ANKAR: variants seen among roughly 807,000 people sequenced by gnomAD.
ANKAR encodes ankyrin and armadillo repeat-containing protein.
Under a neutral mutation model 146.2 loss-of-function variants are expected in ANKAR, and 136 were observed. That is an observed-to-expected ratio of 0.93 (90% CI 0.81 to 1.07). ANKAR has a LOEUF of 1.07. Ranked by LOEUF, ANKAR falls within the 50% of genes least tolerant of loss-of-function variation. ANKAR has a pLI of 0.00. For synonymous variants in ANKAR, 500 were observed against 575.8 expected, an observed-to-expected ratio of 0.87 and a Z score of 1.88; for missense variants, 1,567 against 1,679.9, an observed-to-expected ratio of 0.93 and a Z score of 1.18.
At chr2:189,697,124 C>T (rs970384537) in intron 7 of ANKAR, among the ~76,000 whole-genome samples, 15 of 151,994 alleles carry the variant, frequency 9.9e-5, no homozygotes, top group African/African-American at 3.6e-4. Context: ...GGTGTAGTGG[C>T]TCACTACTGT....
chr2:189,733,572 C>T (rs1291019106), intron 17 of ANKAR, among the ~76,000 whole-genome samples: 1 of 152,108 alleles, frequency 6.6e-6, no homozygotes, highest in Non-Finnish European at 1.5e-5. Flanking sequence ...GCTTCTCAAA[C>T]TATTTATGAT....
At chr2:189,693,273 C>G (rs1452938212) in intron 5 of ANKAR, 96 bp downstream of exon 5, 2 of 753,442 alleles carry the variant, frequency 2.7e-6, no homozygotes, top group Non-Finnish European at 4.5e-6. Context: ...TAATGTAAAC[C>G]TTTACAATGG....
intron 3 of ANKAR, among the ~76,000 whole-genome samples, chr2:189,692,004 C>T (rs905418479): frequency 7.2e-4 from 109 of 152,152 alleles, no homozygotes; most frequent in African/African-American, 2.5e-3. Context: ...TCAAGCGATC[C>T]GCCCCCCTCA....
chr2:189,762,719 C>T (rs1574951206), downstream of ANKAR: 1 of 985,410 alleles, frequency 1.0e-6, no homozygotes, highest in Non-Finnish European at 1.2e-6. Context: ...GCACTTGTCT[C>T]CTTTCCCTAC....
At chr2:189,677,283 T>A (rs1289207730) in intron 2 of ANKAR, among the ~76,000 whole-genome samples, 192 bp downstream of exon 2, 1 of 152,094 alleles carries the variant, frequency 6.6e-6, no homozygotes, top group African/African-American at 2.4e-5. Flanking sequence ...ATGCCATTTT[T>A]AAAATTTTTA....
chr2:189,682,826 T>C (rs1257403184), intron 2 of ANKAR, among the ~76,000 whole-genome samples: 1 of 152,164 alleles, frequency 6.6e-6, no homozygotes, highest in Non-Finnish European at 1.5e-5. Context: ...TTTCACCACT[T>C]GGGCAATTGG....
chr2:189,730,205 T>C (rs2042279766), intron 15 of ANKAR, among the ~76,000 whole-genome samples: 1 of 152,210 alleles, frequency 6.6e-6, no homozygotes, highest in African/African-American at 2.4e-5. Context: ...ATTTCTTCAA[T>C]AAATGATAGC....
At chr2:189,702,639 A>G (rs2038243017) in intron 7 of ANKAR, among the ~76,000 whole-genome samples, 1 of 152,164 alleles carries the variant, frequency 6.6e-6, no homozygotes, top group Non-Finnish European at 1.5e-5. Flanking sequence ...TGAAATGGTA[A>G]CTTCTAAGCT....
downstream of ANKAR, chr2:189,750,412 CATT>C (rs1302184004): frequency 2.9e-5 from 14 of 480,466 alleles, no homozygotes; most frequent in Non-Finnish European, 4.0e-5. Context: ...ACTTTTAACA[CATT>C]ATAGTATCTC....
At chr2:189,679,764 C>T (rs2034354261) in intron 2 of ANKAR, among the ~76,000 whole-genome samples, 1 of 152,104 alleles carries the variant, frequency 6.6e-6, no homozygotes, top group Non-Finnish European at 1.5e-5. Flanking sequence ...CATATATTGA[C>T]TTGCATATGT....
In ANKAR at chr2:189,692,314, T is replaced by A. The variant is rs1240868426; in HGVS notation, c.1099T>A (p.Cys367Ser). Reference sequence around the variant, plus strand: ...ATTTATTTATGGAAGAGATTTTAAATGCCAGAATTTTCACTACAAAGAGAA... The same window carrying A: ...ATTTATTTATGGAAGAGATTTTAAAAGCCAGAATTTTCACTACAAAGAGAA... ...PPFIYGRDFK[C>S]QNFHYKENQY... The change falls in exon 4 of 23, where the codon TGC (cysteine) becomes AGC (serine). Residue 367 changes from cysteine to serine, a missense_variant. Cys to Ser is a moderately radical substitution (Grantham distance 112). Transcript: ENST00000684021. 28 of 1,613,468 alleles carry A rather than the reference T, an allele frequency of 1.7e-5. No homozygotes were observed. Among genetic ancestry groups the A allele is most frequent in the Non-Finnish European group, 2.2e-5 (26 of 1,179,810 alleles).
chr2:189,719,924 A>C, intron 11 of ANKAR, 111 bp downstream of exon 11: 1 of 1,217,710 alleles, frequency 8.2e-7, no homozygotes, highest in Non-Finnish European at 1.1e-6. Flanking sequence ...TCAGGGAAGA[A>C]TACAGCAGGG....
At position 189,707,068 on chromosome 2, in the gene ANKAR, T is replaced by A. The variant is rs538288193; in HGVS notation, c.2041T>A (p.Leu681Ile). 3 of 1,610,438 alleles carry A rather than the reference T, an allele frequency of 1.9e-6. No individual in the cohort carries two copies. Among genetic ancestry groups the A allele is most frequent in the Admixed American group, 1.7e-5 (1 of 59,820 alleles). ...KGNNIIHLSVLTFHTEVLKYI... is the reference protein window; with the variant it reads ...KGNNIIHLSVITFHTEVLKYI... Reference sequence around the variant, plus strand: ...AAATAATATAATCCATTTATCAGTGTTAACCTTTCATACAGAGGTTCTCAA... The same window carrying A: ...AAATAATATAATCCATTTATCAGTGATAACCTTTCATACAGAGGTTCTCAA... Residue 681 changes from leucine (L) to isoleucine (I), a missense_variant, in exon 9 of 23, where the codon TTA (leucine) becomes ATA (isoleucine). Physicochemically the swap from Leu to Ile is conservative, Grantham distance 5. Transcript: ENST00000684021.
In ANKAR at chr2:189,721,405, A is replaced by G. The variant is rs77203462; in HGVS notation, c.2635+618A>G. ...GGAAATATTGGCATGGATGATTTTA[A>G]AAATACATATAATATGCCTAGGAGA... On this transcript the variant is annotated intron_variant, in intron 12 of 22. Transcript: ENST00000684021. 3.2e-3 allele frequency among the ~76,000 whole-genome samples: 489 copies of G among 152,352 alleles called. 1 individual carries two copies. The highest frequency in any genetic ancestry group is 0.011 in the African/African-American group (475 of 41,578).
At chr2:189,711,003 CT>C in intron 9 of ANKAR, 45 bp from the exon 10 acceptor site, 1 of 1,530,168 alleles carries the variant, frequency 6.5e-7, no homozygotes, top group Non-Finnish European at 9.0e-7. Flanking sequence ...ATTTCATTGC[CT>C]TTTGTGCAAA....
chr2:189,695,037 AGTG>A lies in ANKAR; in HGVS notation c.1369_1371del (p.Trp457del), dbSNP rs747194558. 9.3e-5 allele frequency: 150 copies of A among 1,610,872 alleles called. No homozygotes were observed. The highest frequency in any genetic ancestry group is 4.9e-4 in the Admixed American group (29 of 59,774). ...TTCTATCAGCAACTATATAAGACAC[AGTG>A]GTGGGGAGCCATAAATGAAATAGTG... On this transcript the variant is annotated inframe_deletion, in exon 6 of 23. Coordinates refer to ENST00000684021, the MANE Select transcript of ANKAR (RefSeq NM_001378068.1).
At chr2:189,683,924 A>G (rs1456949763) in intron 2 of ANKAR, among the ~76,000 whole-genome samples, 3 of 152,202 alleles carry the variant, frequency 2.0e-5, no homozygotes, top group African/African-American at 7.2e-5. Flanking sequence ...TTTGCACTCT[A>G]CAAACCACCA....
chr2:189,761,701 A>T, downstream of ANKAR: 1 of 1,447,052 alleles, frequency 6.9e-7, no homozygotes. Context: ...TTTGCAACTG[A>T]CATTAGCCAG....
chr2:189,730,645 A>C (rs1445859758), intron 16 of ANKAR, 44 bp downstream of exon 16: 1 of 1,026,184 alleles, frequency 9.7e-7, no homozygotes. Flanking sequence ...AAAATTAACA[A>C]ATATAATTTT....
Sources: allele counts gnomAD v4.1 joint callset (sites outside exome capture counted in the v4.1 genomes callset), GRCh38; gene constraint gnomAD v4.1.1; transcripts MANE v1.5; gene names NCBI Gene and HGNC (gene_info 2026-07-23, HGNC 2026-07-21).